The following TRAK1 variants were observed in gnomAD, a reference collection of about 807,000 sequenced individuals.
The protein encoded by TRAK1 is trafficking kinesin protein 1.
TRAK1 carries 33 observed loss-of-function variants against 92.1 expected under a neutral mutation model. That is an observed-to-expected ratio of 0.36 (90% CI 0.27 to 0.48). The LOEUF (loss-of-function observed/expected upper bound fraction) is 0.48. Among genes scored for constraint, TRAK1 ranks in the 20% least tolerant of loss-of-function variants. TRAK1 has a pLI of 0.99. For missense variants in TRAK1, 1,123 were observed against 1,257.9 expected (o/e 0.89, Z 1.62); for synonymous variants, 521 against 517.3 (o/e 1.01, Z -0.10).
intron 2 of TRAK1, among the ~76,000 whole-genome samples, chr3:42,173,923 C>G (rs1702875100): frequency 6.6e-6 from 1 of 152,190 alleles, no homozygotes; most frequent in South Asian, 2.1e-4. Context: ...CACCTGCTAG[C>G]TGTGTGACAT....
chr3:42,059,719 T>G (rs1002148040), intron 1 of TRAK1, among the ~76,000 whole-genome samples: 2 of 152,266 alleles, frequency 1.3e-5, no homozygotes, highest in African/African-American at 4.8e-5. Context: ...ATTTTTATTC[T>G]TCTACAGAGA....
At chr3:42,220,327 C>G (rs532380741) in intron 15 of TRAK1, among the ~76,000 whole-genome samples, 16 of 152,188 alleles carry the variant, frequency 1.1e-4, no homozygotes, top group Non-Finnish European at 2.2e-4. Context: ...GGCCTGATTT[C>G]AGGCCTTTCA....
At chr3:42,029,163 C>G (rs1239408450) in intron 1 of TRAK1, among the ~76,000 whole-genome samples, 2 of 152,128 alleles carry the variant, frequency 1.3e-5, no homozygotes, top group Non-Finnish European at 2.9e-5. Flanking sequence ...AGAAACCACC[C>G]CCATGATCCA....
At chr3:42,103,784 T>A (rs538576629) in intron 1 of TRAK1, among the ~76,000 whole-genome samples, 1 of 152,244 alleles carries the variant, frequency 6.6e-6, no homozygotes, top group African/African-American at 2.4e-5. Flanking sequence ...AGAAGATGGA[T>A]GATTTCTTCA....
At chr3:42,109,757 C>G (rs761831707) in intron 1 of TRAK1, among the ~76,000 whole-genome samples, 14 of 152,032 alleles carry the variant, frequency 9.2e-5, no homozygotes, top group African/African-American at 1.5e-4. Flanking sequence ...ATACACCATG[C>G]AATACTATGC....
intron 2 of TRAK1, among the ~76,000 whole-genome samples, chr3:42,173,549 G>A (rs1186592835): frequency 2.0e-5 from 3 of 152,164 alleles, no homozygotes; most frequent in Non-Finnish European, 4.4e-5. Context: ...CCCAAGGTCA[G>A]GGTTCTTTCT....
At chr3:42,033,123 G>A (rs1012471655) in intron 1 of TRAK1, among the ~76,000 whole-genome samples, 7 of 152,084 alleles carry the variant, frequency 4.6e-5, no homozygotes, top group African/African-American at 9.7e-5. Context: ...GGTAATTACC[G>A]CGGCCTCCCA....
intron 1 of TRAK1, among the ~76,000 whole-genome samples, chr3:42,028,407 G>A (rs1348690676): frequency 2.6e-5 from 4 of 152,222 alleles, no homozygotes; most frequent in Non-Finnish European, 4.4e-5. Flanking sequence ...TGGCTTCCCT[G>A]GGCCAGGCAC....
chr3:42,132,985 C>T (rs1366894052), intron 2 of TRAK1, among the ~76,000 whole-genome samples: 1 of 152,202 alleles, frequency 6.6e-6, no homozygotes. Flanking sequence ...TTAATTCTTC[C>T]TCCAGATATA....
chr3:42,198,483 G>A (rs1250568639), intron 10 of TRAK1, among the ~76,000 whole-genome samples: 2 of 152,178 alleles, frequency 1.3e-5, no homozygotes, highest in Admixed American at 1.3e-4. Context: ...AAGGTGGGTG[G>A]GCCATGGATA....
At chr3:42,149,621 CAG>C (rs1699726485) in intron 2 of TRAK1, 4 of 1,536,024 alleles carry the variant, frequency 2.6e-6, no homozygotes, top group Non-Finnish European at 3.5e-6. Flanking sequence ...CCCTGCAAAA[CAG>C]AGCCGGGATG....
At chr3:42,158,787 CAAAAA>C (rs149521969) in intron 2 of TRAK1, among the ~76,000 whole-genome samples, 2 of 69,548 alleles carry the variant, frequency 2.9e-5, no homozygotes, top group African/African-American at 4.6e-5. Flanking sequence ...ACAAAAAATA[CAAAAA>C]AAAAAAAAAA....
intron 1 of TRAK1, among the ~76,000 whole-genome samples, chr3:42,019,591 C>T (rs1182312808): frequency 2.0e-5 from 3 of 152,106 alleles, no homozygotes; most frequent in Non-Finnish European, 2.9e-5. Flanking sequence ...ACATAAACAA[C>T]GTGTGCTGTG....
chr3:42,020,624 T>C (rs1701688623), intron 1 of TRAK1, among the ~76,000 whole-genome samples: 1 of 152,218 alleles, frequency 6.6e-6, no homozygotes, highest in South Asian at 2.1e-4. Flanking sequence ...GTATAAGTAC[T>C]CATTTCTATC....
chr3:42,219,660 A>G (rs72871313), intron 15 of TRAK1, 64 bp downstream of exon 15: 117,121 of 1,582,656 alleles, frequency 0.074, 5,109 homozygotes, highest in African/African-American at 0.17. Context: ...CCTTCCCTGC[A>G]AGGCTTAATG....
At chr3:42,120,157 G>C (rs1709664900) in intron 1 of TRAK1, among the ~76,000 whole-genome samples, 1 of 152,188 alleles carries the variant, frequency 6.6e-6, no homozygotes, top group Non-Finnish European at 1.5e-5. Flanking sequence ...CGATGCCGAG[G>C]GGTAAGCCTC....
chr3:42,075,199 G>T (rs1576247992), intron 1 of TRAK1, among the ~76,000 whole-genome samples: 1 of 152,022 alleles, frequency 6.6e-6, no homozygotes, highest in Admixed American at 6.6e-5. Context: ...GGTCTGGCTG[G>T]GTGTGGTGGC....
intron 1 of TRAK1, among the ~76,000 whole-genome samples, chr3:42,027,998 A>C (rs9834311): frequency 0.87 from 132,306 of 152,096 alleles, 59,631 homozygotes; most frequent in South Asian, 0.98. Context: ...TATAGGCGCC[A>C]GCTATCATGC....
At chr3:42,195,551 C>A (rs994777580) in intron 10 of TRAK1, among the ~76,000 whole-genome samples, 10 of 152,158 alleles carry the variant, frequency 6.6e-5, no homozygotes, top group Non-Finnish European at 1.2e-4. Flanking sequence ...TTCCTTGGAG[C>A]TCTTTCCCTT....
Sources: gnomAD v4.1 joint callset for allele counts (sites outside exome capture counted in the v4.1 genomes callset) on GRCh38, gnomAD v4.1.1 for gene constraint, MANE v1.5 for transcripts, NCBI Gene and HGNC (gene_info 2026-07-23, HGNC 2026-07-21) for gene names.